Variants in ACOXL observed in about 807,000 individuals in gnomAD.
ACOXL encodes the protein acyl-CoA oxidase like.
In ACOXL, 70 loss-of-function variants were observed where a neutral mutation model predicts 71.9. The observed-to-expected ratio is 0.97, with a 90% CI of 0.80 to 1.19. The LOEUF (loss-of-function observed/expected upper bound fraction) is 1.19. Among genes scored for constraint, ACOXL ranks in the 50% most tolerant of loss-of-function variants. The pLI, the probability that ACOXL is intolerant of heterozygous loss-of-function variation, is 0.00. For synonymous variants in ACOXL, 253 were observed against 281.6 expected (o/e 0.90, Z 1.02); for missense variants, 703 against 736.3 (o/e 0.95, Z 0.52).
intron 10 of ACOXL, among the ~76,000 whole-genome samples, chr2:110,860,341 CCTCAAGTGATCCATT>C (rs1240128759): frequency 6.6e-6 from 1 of 152,198 alleles, no homozygotes; most frequent in Non-Finnish European, 1.5e-5. Flanking sequence ...GAACTCCCGA[CCTCAAGTGATCCATT>C]CGCCTTGGCC....
Position 110,986,242 on chromosome 2 carries a change from AATCTGT to A in ACOXL, c.1060-863_1060-858del, listed in dbSNP as rs2062926945. Among the ~76,000 whole-genome samples the A allele has an allele frequency of 2.0e-5, 3 of 152,248 alleles. No individual in the cohort carries two copies. In the East Asian group the frequency reaches 5.8e-4, roughly 29 times the overall value. On this transcript the variant is annotated intron_variant, in intron 12 of 17. Coordinates refer to ENST00000439055, the MANE Select transcript of ACOXL (RefSeq NM_001142807.4). ...TTAAAGCAAACATAACATTTTATAT[AATCTGT>A]ATAAAAACATGCATGCATATAAAGC...
chr2:110,927,531 C>T (rs1413449139), intron 11 of ACOXL, among the ~76,000 whole-genome samples: 1 of 152,178 alleles, frequency 6.6e-6, no homozygotes, highest in Non-Finnish European at 1.5e-5. Context: ...TAATTTAGTG[C>T]TTATCTTTTG....
intron 9 of ACOXL, among the ~76,000 whole-genome samples, chr2:110,832,348 C>T (rs1398187249): frequency 6.6e-6 from 1 of 151,788 alleles, no homozygotes; most frequent in Admixed American, 6.6e-5. Context: ...ACCATCCTGG[C>T]TAACAAGGTG....
At chr2:110,851,202 T>G (rs188886965) in intron 10 of ACOXL, among the ~76,000 whole-genome samples, 1 of 152,282 alleles carries the variant, frequency 6.6e-6, no homozygotes, top group Admixed American at 6.5e-5. Flanking sequence ...ACTGTATATA[T>G]TTTCCAAAAT....
chr2:111,070,464 TAGAG>T (rs1249135425), intron 16 of ACOXL, among the ~76,000 whole-genome samples: 7 of 151,926 alleles, frequency 4.6e-5, no homozygotes, highest in Non-Finnish European at 1.0e-4. Flanking sequence ...CATGGACACA[TAGAG>T]AGGAACAACA....
chr2:110,948,394 T>C (rs1316374156), intron 12 of ACOXL, among the ~76,000 whole-genome samples: 1 of 152,202 alleles, frequency 6.6e-6, no homozygotes, highest in Non-Finnish European at 1.5e-5. Context: ...TCAGTAGACT[T>C]TGTCCCAGGA....
intron 3 of ACOXL, among the ~76,000 whole-genome samples, chr2:110,793,212 G>T (rs1393349921): frequency 6.6e-6 from 1 of 152,176 alleles, no homozygotes; most frequent in Non-Finnish European, 1.5e-5. Context: ...CTTTTGCAGC[G>T]TTGCCTCTTC....
At chr2:111,096,402 C>T (rs2068803805) in intron 17 of ACOXL, among the ~76,000 whole-genome samples, 1 of 151,954 alleles carries the variant, frequency 6.6e-6, no homozygotes, top group Non-Finnish European at 1.5e-5. Flanking sequence ...GCCACCACGC[C>T]TAGCTAATTT....
intron 16 of ACOXL, among the ~76,000 whole-genome samples, chr2:111,084,258 TAC>T (rs61263209): frequency 0.15 from 19,691 of 134,472 alleles, 1,438 homozygotes; most frequent in East Asian, 0.18. Flanking sequence ...ATCTAAGGAA[TAC>T]ACACACACAC....
chr2:110,954,797 C>G (rs1163227827), intron 12 of ACOXL, among the ~76,000 whole-genome samples: 2 of 111,774 alleles, frequency 1.8e-5, no homozygotes, highest in Non-Finnish European at 3.7e-5. Context: ...TTCTGGGGTA[C>G]TTTCTTCTAA....
chr2:110,926,410 G>A (rs2060272448), intron 11 of ACOXL, among the ~76,000 whole-genome samples: 2 of 152,306 alleles, frequency 1.3e-5, no homozygotes, highest in South Asian at 4.1e-4. Context: ...ACAGGGCCCG[G>A]CATATCATAC....
intron 11 of ACOXL, among the ~76,000 whole-genome samples, chr2:110,915,548 T>G (rs772175612): frequency 6.6e-6 from 1 of 150,906 alleles, no homozygotes; most frequent in Non-Finnish European, 1.5e-5. Context: ...TTCAGCCTCC[T>G]GAGCAACTGG....
intron 11 of ACOXL, among the ~76,000 whole-genome samples, chr2:110,916,143 T>G (rs1158749041): frequency 6.6e-6 from 1 of 152,110 alleles, no homozygotes. Context: ...AAACTATATG[T>G]GTTAATAATA....
intron 17 of ACOXL, chr2:111,112,893 T>C (rs1307632671): frequency 1.3e-5 from 2 of 152,238 alleles, no homozygotes; most frequent in South Asian, 2.1e-4. Flanking sequence ...ACTTTTCACA[T>C]GGTAGCTGGC....
At chr2:111,062,658 A>G (rs1348437395) in intron 16 of ACOXL, among the ~76,000 whole-genome samples, 1 of 152,156 alleles carries the variant, frequency 6.6e-6, no homozygotes, top group East Asian at 1.9e-4. Context: ...AATTGGTGGA[A>G]CATAGCCAAA....
At chr2:110,958,118 C>T (rs1407401995) in intron 12 of ACOXL, among the ~76,000 whole-genome samples, 5 of 151,844 alleles carry the variant, frequency 3.3e-5, no homozygotes, top group African/African-American at 4.8e-5. Context: ...TGCATATGCA[C>T]GCGCATGCAT....
At position 110,899,399 on chromosome 2, in the gene ACOXL, A is replaced by G. The variant is rs561508619; in HGVS notation, c.789-9390A>G. On this transcript the variant is annotated intron_variant, in intron 10 of 17. Coordinates refer to ENST00000439055, the MANE Select transcript of ACOXL (RefSeq NM_001142807.4). ...CTCACACATGGTGGTCAGACTTGCTACCTCCAAGATGACAGCAGGTTCTGG... is the reference window on the plus strand; with the variant it reads ...CTCACACATGGTGGTCAGACTTGCTGCCTCCAAGATGACAGCAGGTTCTGG... 4.6e-5 allele frequency among the ~76,000 whole-genome samples: 7 copies of G among 152,212 alleles called. No individual in the cohort carries two copies. In the East Asian group the frequency reaches 1.4e-3, roughly 29 times the overall value.
chr2:111,013,749 C>T (rs916770521), intron 14 of ACOXL, among the ~76,000 whole-genome samples: 6 of 151,984 alleles, frequency 3.9e-5, no homozygotes, highest in African/African-American at 7.2e-5. Flanking sequence ...CATTTAAAGA[C>T]AAAATAGTAT....
intron 10 of ACOXL, among the ~76,000 whole-genome samples, chr2:110,880,149 C>CAAA (rs1553411834): frequency 1.1e-4 from 2 of 18,810 alleles, no homozygotes; most frequent in African/African-American, 4.5e-4. Flanking sequence ...GACTCTGTCA[C>CAAA]AAACAAAAAA....
Sources: gnomAD v4.1 joint callset for allele counts (sites outside exome capture counted in the v4.1 genomes callset) on GRCh38, gnomAD v4.1.1 for gene constraint, MANE v1.5 for transcripts, NCBI Gene and HGNC (gene_info 2026-07-23, HGNC 2026-07-21) for gene names.